RYR2: variants seen among roughly 807,000 people sequenced by gnomAD.
RYR2 encodes cardiac muscle ryanodine receptor-calcium release channel.
Under a neutral mutation model 601.1 loss-of-function variants are expected in RYR2, and 227 were observed. That is an observed-to-expected ratio of 0.38 (90% CI 0.34 to 0.42). The LOEUF (loss-of-function observed/expected upper bound fraction) is 0.42, where lower values mean the gene tolerates loss of function less well. Among genes scored for constraint, RYR2 ranks in the 10% least tolerant of loss-of-function variants. The probability of loss-of-function intolerance (pLI) is 1.00; values close to 1 mark genes in which losing one functional copy is unlikely to be tolerated. For synonymous variants in RYR2, 2,223 were observed against 2,175.1 expected (o/e 1.02, Z -0.61); for missense variants, 4,646 against 6,156.5 (o/e 0.75, Z 8.21).
At chr1:237,485,129 C>T (rs1478556551) in intron 17 of RYR2, among the ~76,000 whole-genome samples, 2 of 150,760 alleles carry the variant, frequency 1.3e-5, no homozygotes, top group Non-Finnish European at 2.9e-5. Context: ...ATATAAATTC[C>T]CTATGTTGTG....
chr1:237,591,027 A>G lies in RYR2; in HGVS notation c.4160+35A>G, dbSNP rs549875613. ...TTATACGCTGTGATTTTAAATTTGT[A>G]GTTATGTGAGGAAGGTTACAGTCCA... On this transcript the variant is annotated intron_variant, in intron 31 of 104. Coordinates refer to ENST00000366574, the MANE Select transcript of RYR2 (RefSeq NM_001035.3). 194 of 1,569,956 alleles carry G rather than the reference A, an allele frequency of 1.2e-4. 2 individuals are homozygous for G. The East Asian group carries it at 2.2e-3, about 18-fold the overall frequency.
chr1:237,576,355 T>A (rs1673219426), intron 29 of RYR2, among the ~76,000 whole-genome samples: 1 of 152,198 alleles, frequency 6.6e-6, no homozygotes, highest in Non-Finnish European at 1.5e-5. Flanking sequence ...CAGGATTTAT[T>A]GTGAAGCTAT....
chr1:237,595,505 C>T lies in RYR2; in HGVS notation c.4444C>T (p.Arg1482Cys), dbSNP rs564869863. The T allele has an allele frequency of 1.2e-5, 19 of 1,606,274 alleles. No homozygotes were observed. The highest frequency in any genetic ancestry group is 1.1e-4 in the East Asian group (5 of 44,576). The part of the protein sequence containing the change: ...EKGKVHESIK[R>C]SNCYMVCAGE... Reference sequence around the variant, plus strand: ...TGTTCTTTTGAAATTCAGCATCAAACGCAGCAACTGCTATATGGTATGTGC... The same window carrying T: ...TGTTCTTTTGAAATTCAGCATCAAATGCAGCAACTGCTATATGGTATGTGC... Residue 1482 changes from arginine (R) to cysteine (C), a missense_variant, in exon 34 of 105, where the codon CGC (arginine) becomes TGC (cysteine). Transcript: ENST00000366574.
At chr1:237,253,826 G>A (rs1041407002) in intron 1 of RYR2, among the ~76,000 whole-genome samples, 1 of 152,176 alleles carries the variant, frequency 6.6e-6, no homozygotes, top group African/African-American at 2.4e-5. Context: ...AAAATAGGGA[G>A]TCATGGTGCC....
At chr1:237,548,655 G>A in intron 26 of RYR2, 65 bp downstream of exon 26, 1 of 1,565,514 alleles carries the variant, frequency 6.4e-7, no homozygotes. Context: ...TTTGTAACAG[G>A]AAGGATTACA....
chr1:237,083,739 AC>A (rs1213895132), intron 1 of RYR2, among the ~76,000 whole-genome samples: 1 of 152,034 alleles, frequency 6.6e-6, no homozygotes, highest in Admixed American at 6.6e-5. Context: ...TGGTTTATTT[AC>A]CCACTGCTTC....
chr1:237,388,449 G>T (rs964691796), intron 10 of RYR2, among the ~76,000 whole-genome samples: 4 of 152,198 alleles, frequency 2.6e-5, no homozygotes, highest in Non-Finnish European at 5.9e-5. Context: ...GAAGTGAGAA[G>T]AGTGACCACA....
intron 18 of RYR2, 85 bp from the exon 19 acceptor site, chr1:237,492,869 A>C: frequency 7.5e-7 from 1 of 1,334,428 alleles, no homozygotes; most frequent in Admixed American, 2.3e-5. Flanking sequence ...GGAAGGAAGG[A>C]AGAAGGGAAG....
intron 43 of RYR2, 72 bp from the exon 44 acceptor site, chr1:237,634,817 A>G: frequency 9.3e-7 from 1 of 1,079,150 alleles, no homozygotes. Flanking sequence ...TTTAAGAGGT[A>G]GTATATTTTT....
Position 237,707,207 on chromosome 1 carries a change from T to C in RYR2, c.9839T>C (p.Ile3280Thr), listed in dbSNP as rs778496062. Reference sequence around the variant, plus strand: ...CACATGAACACACTTCTAGGGAACATATTGAAAATCATATATAATAACTTG... The same window carrying C: ...CACATGAACACACTTCTAGGGAACACATTGAAAATCATATATAATAACTTG... ...SEHMNTLLGN[I>T]LKIIYNNLGI... Residue 3280 changes from isoleucine to threonine, a missense_variant, in exon 68 of 105, where the codon ATA becomes ACA. Ile to Thr is a moderately conservative substitution (Grantham distance 89). Coordinates refer to ENST00000366574, the MANE Select transcript of RYR2 (RefSeq NM_001035.3). The C allele has an allele frequency of 6.3e-7, 1 of 1,599,482 alleles. No individual in the cohort carries two copies.
chr1:237,044,643 A>ATTT (rs10675131), intron 1 of RYR2, among the ~76,000 whole-genome samples: 2,517 of 147,332 alleles, frequency 0.017, 27 homozygotes, highest in African/African-American at 0.031. Context: ...GAGCAGGGGG[A>ATTT]TTTTTTTTTT....
intron 12 of RYR2, among the ~76,000 whole-genome samples, chr1:237,433,435 A>C (rs1572303645): frequency 6.6e-6 from 1 of 152,272 alleles, no homozygotes; most frequent in East Asian, 1.9e-4. Flanking sequence ...GCAATTATAT[A>C]ATAAAGCAGC....
At chr1:237,095,777 T>A (rs190886223) in intron 1 of RYR2, among the ~76,000 whole-genome samples, 6 of 152,316 alleles carry the variant, frequency 3.9e-5, no homozygotes, top group Admixed American at 3.9e-4. Flanking sequence ...GGGCATGTGA[T>A]AAGCTACTCA....
chr1:237,653,885 G>A lies in RYR2; in HGVS notation c.7825-389G>A, dbSNP rs184512159. Among the ~76,000 whole-genome samples the A allele has an allele frequency of 1.5e-3, 231 of 152,290 alleles. 2 individuals are homozygous for A. Among genetic ancestry groups the A allele is most frequent in the African/African-American group, 5.4e-3 (225 of 41,560 alleles). On this transcript the variant is annotated intron_variant, in intron 51 of 104. Transcript: ENST00000366574. ...CACCCAGCACGGGACAAAGATAAAG[G>A]CCAGAAGATAAAGGCAAGTCAGGTT...
intron 1 of RYR2, among the ~76,000 whole-genome samples, chr1:237,053,815 G>A (rs750904033): frequency 2.6e-5 from 4 of 152,146 alleles, no homozygotes; most frequent in Admixed American, 1.3e-4. Context: ...GGAGGGATCC[G>A]TGTCCCAGGA....
At chr1:237,192,333 T>C (rs1376599496) in intron 1 of RYR2, among the ~76,000 whole-genome samples, 5 of 152,088 alleles carry the variant, frequency 3.3e-5, no homozygotes, top group Non-Finnish European at 1.5e-5. Context: ...CTCAGCCTCC[T>C]GAGTAGCTGG....
At chr1:237,783,177 A>ATAAT (rs930939834) in intron 89 of RYR2, among the ~76,000 whole-genome samples, 8 of 151,692 alleles carry the variant, frequency 5.3e-5, no homozygotes, top group African/African-American at 1.9e-4. Context: ...CTAACCTTTA[A>ATAAT]TAATTAAGTC....
intron 8 of RYR2, among the ~76,000 whole-genome samples, chr1:237,381,685 C>T (rs1701532843): frequency 6.6e-6 from 1 of 152,112 alleles, no homozygotes; most frequent in African/African-American, 2.4e-5. Context: ...GAGAACATGC[C>T]TTGTGGACAG....
At chr1:237,437,391 G>T (rs1292927194) in intron 12 of RYR2, among the ~76,000 whole-genome samples, 1 of 152,122 alleles carries the variant, frequency 6.6e-6, no homozygotes, top group Non-Finnish European at 1.5e-5. Context: ...AAAATTAGAT[G>T]TTCCAAGCAC....
Sources: gnomAD v4.1 joint callset for allele counts (sites outside exome capture counted in the v4.1 genomes callset) on GRCh38, gnomAD v4.1.1 for gene constraint, MANE v1.5 for transcripts, NCBI Gene and HGNC (gene_info 2026-07-23, HGNC 2026-07-21) for gene names.